Variants in BMPR2 observed in about 807,000 individuals in gnomAD.
BMPR2 encodes bone morphogenetic protein receptor type-2.
In BMPR2, 29 loss-of-function variants were observed where a neutral mutation model predicts 100.8. The ratio of observed to expected loss-of-function variants is 0.29; its 90% CI spans 0.21 to 0.39. The LOEUF (loss-of-function observed/expected upper bound fraction) is 0.39, where lower values mean the gene tolerates loss of function less well. Ranked by LOEUF, BMPR2 falls within the 10% of genes least tolerant of loss-of-function variation. The pLI is 1.00. For missense variants in BMPR2, 1,011 were observed against 1,274.5 expected (o/e 0.79, Z 3.15); for synonymous variants, 382 against 442.3 (o/e 0.86, Z 1.71).
chr2:202,482,007 C>T (rs974125016), intron 3 of BMPR2, among the ~76,000 whole-genome samples: 3 of 152,252 alleles, frequency 2.0e-5, no homozygotes, highest in East Asian at 1.9e-4. Context: ...CTCAGGCCCT[C>T]CAGCCACCCT....
intron 2 of BMPR2, among the ~76,000 whole-genome samples, chr2:202,465,912 T>A (rs534489055): frequency 6.6e-6 from 1 of 152,352 alleles, no homozygotes; most frequent in East Asian, 1.9e-4. Flanking sequence ...TTTCTCCACC[T>A]TAATTATAAG....
chr2:202,449,921 C>A (rs1350043831), intron 1 of BMPR2, among the ~76,000 whole-genome samples: 2 of 151,872 alleles, frequency 1.3e-5, no homozygotes. Flanking sequence ...GTCTGGCCCA[C>A]GTGGTGAATC....
At chr2:202,468,939 G>GA (rs1230201952) in intron 3 of BMPR2, among the ~76,000 whole-genome samples, 1 of 151,932 alleles carries the variant, frequency 6.6e-6, no homozygotes, top group Non-Finnish European at 1.5e-5. Flanking sequence ...ATTTATAAGG[G>GA]ATCCAAGGAA....
At position 202,550,374 on chromosome 2, in the gene BMPR2, C is replaced by CAA. The variant is rs71035016; in HGVS notation, c.1414-2321_1414-2320dup. On this transcript the variant is annotated intron_variant, in intron 10 of 12. Transcript: ENST00000374580. The stretch of plus-strand genomic sequence containing the variant: ...GGCGACAGAGCGAGACTCCTATCTC[C>CAA]AAAAAAAAAAAAAAAAAAAAAATTG... Among the ~76,000 whole-genome samples the CAA allele has an allele frequency of 9.3e-4, 88 of 94,232 alleles. 2 individuals are homozygous for CAA. Among genetic ancestry groups the CAA allele is most frequent in the South Asian group, 8.4e-3 (25 of 2,968 alleles). The allele number at this position is 94,232 out of a possible 152,430, so 61.8% of individuals were successfully genotyped here. A position where few individuals can be genotyped will look rare whatever the true frequency, so the allele number is the denominator to read the frequency against.
intron 1 of BMPR2, among the ~76,000 whole-genome samples, chr2:202,405,369 A>G (rs2056145): frequency 0.33 from 49,993 of 151,830 alleles, 9,206 homozygotes; most frequent in African/African-American, 0.5. Context: ...AGGGCAAAAT[A>G]AAAATGGGGG....
chr2:202,516,926 C>T (rs562274836), intron 5 of BMPR2, among the ~76,000 whole-genome samples: 61 of 152,254 alleles, frequency 4.0e-4, no homozygotes, highest in African/African-American at 1.4e-3. Flanking sequence ...AAATCCCCAA[C>T]CTGTTTTAAT....
chr2:202,434,925 ATATATATATATT>A lies in BMPR2; in HGVS notation c.77-29880_77-29869del, dbSNP rs1204895491. 1.0e-3 allele frequency among the ~76,000 whole-genome samples: 119 copies of A among 117,984 alleles called. 1 individual carries two copies. The highest frequency in any genetic ancestry group is 1.7e-3 in the Non-Finnish European group (98 of 58,906). 77.4% of individuals were successfully genotyped at this position (117,984 alleles called of 152,430 possible). A position where few individuals can be genotyped will look rare whatever the true frequency, so the allele number is the denominator to read the frequency against. On this transcript the variant is annotated intron_variant, in intron 1 of 12. Coordinates refer to ENST00000374580, the MANE Select transcript of BMPR2 (RefSeq NM_001204.7). ...AAAAAAAAAATATATATATATATAT[ATATATATATATT>A]TATTTATTTATTTACGTCTATAATC...
intron 9 of BMPR2, among the ~76,000 whole-genome samples, chr2:202,535,368 CG>C (rs1208874923): frequency 6.8e-6 from 1 of 146,712 alleles, no homozygotes; most frequent in Non-Finnish European, 1.5e-5. Flanking sequence ...ACTTCTCAGA[CG>C]GGGCGGCCGG....
At chr2:202,472,654 C>CAAAAAG (rs1013452817) in intron 3 of BMPR2, among the ~76,000 whole-genome samples, 3 of 152,120 alleles carry the variant, frequency 2.0e-5, no homozygotes, top group Admixed American at 2.0e-4. Flanking sequence ...GACTCCGTCT[C>CAAAAAG]AAAAAGAAAA....
At chr2:202,499,903 A>T (rs1559056920) in intron 3 of BMPR2, among the ~76,000 whole-genome samples, 1 of 152,218 alleles carries the variant, frequency 6.6e-6, no homozygotes, top group Non-Finnish European at 1.5e-5. Context: ...GGAGTAGGCC[A>T]ATCACCTGGT....
At chr2:202,467,911 A>C (rs1396782353) in intron 3 of BMPR2, among the ~76,000 whole-genome samples, 1 of 151,942 alleles carries the variant, frequency 6.6e-6, no homozygotes, top group Non-Finnish European at 1.5e-5. Flanking sequence ...AGCCGGGCGT[A>C]GTGGTAGGCG....
At chr2:202,518,726 G>T (rs1265376131) in intron 5 of BMPR2, 96 bp from the exon 6 acceptor site, 7 of 966,806 alleles carry the variant, frequency 7.2e-6, no homozygotes, top group Non-Finnish European at 9.8e-6. Flanking sequence ...GCAACAGAGA[G>T]CTGTAGCATT....
intron 3 of BMPR2, chr2:202,474,673 C>G (rs1474677457): frequency 1.3e-5 from 2 of 152,150 alleles, no homozygotes; most frequent in Admixed American, 6.5e-5. Context: ...CGCCTGCCAC[C>G]ACGCCTGGCT....
At chr2:202,515,766 G>A (rs571057010) in intron 5 of BMPR2, among the ~76,000 whole-genome samples, 8 of 152,168 alleles carry the variant, frequency 5.3e-5, no homozygotes, top group African/African-American at 1.7e-4. Context: ...GCGCCCGCCT[G>A]TAGTCCCAGC....
At chr2:202,541,894 C>T (rs1385861457) in intron 9 of BMPR2, among the ~76,000 whole-genome samples, 1 of 151,998 alleles carries the variant, frequency 6.6e-6, no homozygotes, top group Non-Finnish European at 1.5e-5. Flanking sequence ...GGTGGATCAC[C>T]TGAGGTCAGG....
At chr2:202,402,101 C>T (rs1382171938) in intron 1 of BMPR2, among the ~76,000 whole-genome samples, 3 of 152,214 alleles carry the variant, frequency 2.0e-5, no homozygotes, top group Non-Finnish European at 4.4e-5. Flanking sequence ...CCCAGACTTC[C>T]CTGCCATCCA....
chr2:202,454,442 G>A (rs1372642911), intron 1 of BMPR2, among the ~76,000 whole-genome samples: 1 of 152,194 alleles, frequency 6.6e-6, no homozygotes, highest in Non-Finnish European at 1.5e-5. Flanking sequence ...TTATGTAAGA[G>A]AAGGCTACTT....
At chr2:202,415,965 A>G (rs183241848) in intron 1 of BMPR2, among the ~76,000 whole-genome samples, 102 of 152,336 alleles carry the variant, frequency 6.7e-4, no homozygotes, top group African/African-American at 2.4e-3. Context: ...GCTGCCATAG[A>G]TAGTGATTCC....
chr2:202,449,308 C>CA (rs1691927453), intron 1 of BMPR2, among the ~76,000 whole-genome samples: 1 of 142,980 alleles, frequency 7.0e-6, no homozygotes, highest in Non-Finnish European at 1.5e-5. Context: ...AACTCCATCT[C>CA]AAATAAATAA....
Sources: gnomAD v4.1 joint callset for allele counts (sites outside exome capture counted in the v4.1 genomes callset) on GRCh38, gnomAD v4.1.1 for gene constraint, MANE v1.5 for transcripts, NCBI Gene and HGNC (gene_info 2026-07-23, HGNC 2026-07-21) for gene names.